Variants in MEIKIN observed in about 807,000 individuals in gnomAD.
MEIKIN encodes the protein meiotic kinetochore factor, also known as meiosis-specific kinetochore protein.
At chr5:131,815,674 T>C (rs1487115280) in intron 12 of MEIKIN, among the ~76,000 whole-genome samples, 4 of 152,204 alleles carry the variant, frequency 2.6e-5, no homozygotes, top group African/African-American at 2.4e-5. Flanking sequence ...TACTCCACAA[T>C]GGTGGTAAGG....
At chr5:131,870,195 T>C (rs76277627) in intron 9 of MEIKIN, among the ~76,000 whole-genome samples, 1,874 of 152,330 alleles carry the variant, frequency 0.012, 46 homozygotes, top group African/African-American at 0.044. Flanking sequence ...CATACAGCTA[T>C]TAAGCACTCA....
intron 12 of MEIKIN, among the ~76,000 whole-genome samples, chr5:131,807,824 T>C (rs1386206019): frequency 1.3e-5 from 2 of 152,246 alleles, no homozygotes; most frequent in African/African-American, 4.8e-5. Flanking sequence ...TACCTCATCC[T>C]CTGGCCAAAT....
intron 11 of MEIKIN, among the ~76,000 whole-genome samples, chr5:131,837,719 G>A (rs1222921824): frequency 6.6e-6 from 1 of 152,052 alleles, no homozygotes; most frequent in African/African-American, 2.4e-5. Context: ...TATCCTGAGA[G>A]TTTGCTGAAG....
chr5:131,807,063 T>A lies in MEIKIN; in HGVS notation c.*173A>T, dbSNP rs935956045. On this transcript the variant is annotated 3_prime_UTR_variant, in exon 13 of 13. Transcript: ENST00000442687. ...GGAATAATTTTTTTTCTTAACTGAT[T>A]AAAAGTAAATGACAAGAACCTCAGT... is the stretch of plus-strand genomic sequence containing the variant. 2 of 388,856 alleles carry A rather than the reference T, an allele frequency of 5.1e-6. No individual in the cohort carries two copies. The highest frequency in any genetic ancestry group is 2.1e-5 in the African/African-American group (1 of 48,390). The allele number at this position is 388,856 out of a possible 1,614,324, so 24.1% of individuals were successfully genotyped here. A position where few individuals can be genotyped will look rare whatever the true frequency, so the allele number is the denominator to read the frequency against.
intron 8 of MEIKIN, among the ~76,000 whole-genome samples, 178 bp from the exon 9 acceptor site, chr5:131,879,226 A>G (rs1003455709): frequency 1.2e-4 from 18 of 152,336 alleles, no homozygotes; most frequent in Admixed American, 7.8e-4. Context: ...TTGAATAATA[A>G]AAACATCCTT....
chr5:131,920,631 G>T (rs1353528367), intron 6 of MEIKIN, among the ~76,000 whole-genome samples: 1 of 151,762 alleles, frequency 6.6e-6, no homozygotes, highest in Non-Finnish European at 1.5e-5. Context: ...CCTTTGATAT[G>T]ATATGATACA....
intron 7 of MEIKIN, 147 bp downstream of exon 7, chr5:131,916,739 G>C: frequency 2.6e-6 from 1 of 378,768 alleles, no homozygotes; most frequent in Non-Finnish European, 4.7e-6. Context: ...TATATCTCTA[G>C]CAATTACAAC....
intron 11 of MEIKIN, among the ~76,000 whole-genome samples, chr5:131,841,470 C>G (rs1749913145): frequency 6.6e-6 from 1 of 152,182 alleles, no homozygotes; most frequent in African/African-American, 2.4e-5. Context: ...CAGTACCATA[C>G]TGTTACACAG....
At chr5:131,905,990 G>A (rs914616017) in intron 8 of MEIKIN, among the ~76,000 whole-genome samples, 3 of 152,016 alleles carry the variant, frequency 2.0e-5, no homozygotes, top group East Asian at 1.9e-4. Flanking sequence ...TAACAATGAC[G>A]CCAAAAGAAA....
intron 11 of MEIKIN, among the ~76,000 whole-genome samples, chr5:131,827,841 T>A (rs1176147201): frequency 6.6e-6 from 1 of 152,110 alleles, no homozygotes; most frequent in African/African-American, 2.4e-5. Context: ...ACGCAACATA[T>A]AATAAAAATT....
intron 8 of MEIKIN, 26 bp downstream of exon 8, chr5:131,911,789 A>C (rs1244759166): frequency 2.5e-6 from 1 of 396,912 alleles, no homozygotes; most frequent in African/African-American, 2.1e-5. Context: ...TTACTACATA[A>C]AATAATTAGT....
chr5:131,814,247 T>A (rs762754854), intron 12 of MEIKIN, among the ~76,000 whole-genome samples: 2 of 149,780 alleles, frequency 1.3e-5, no homozygotes, highest in Non-Finnish European at 3.0e-5. Context: ...ACAAGTGGAC[T>A]GAAAAATTTG....
At chr5:131,889,072 C>G (rs975723264) in intron 8 of MEIKIN, among the ~76,000 whole-genome samples, 1 of 152,100 alleles carries the variant, frequency 6.6e-6, no homozygotes, top group Non-Finnish European at 1.5e-5. Flanking sequence ...TGGTCTATAT[C>G]TCTGTTTTGG....
chr5:131,843,456 C>T (rs949479588), intron 11 of MEIKIN, among the ~76,000 whole-genome samples: 7 of 152,206 alleles, frequency 4.6e-5, no homozygotes, highest in African/African-American at 1.7e-4. Context: ...TCTTTGTGAA[C>T]AACACATATA....
chr5:131,866,955 C>G (rs1280471687), intron 9 of MEIKIN, among the ~76,000 whole-genome samples: 2 of 152,154 alleles, frequency 1.3e-5, no homozygotes, highest in Non-Finnish European at 2.9e-5. Context: ...TAGTCCTCAA[C>G]AATGATACAG....
At chr5:131,874,513 C>T (rs1470668073) in intron 9 of MEIKIN, among the ~76,000 whole-genome samples, 6 of 152,030 alleles carry the variant, frequency 3.9e-5, no homozygotes. Context: ...AATAGCTTAC[C>T]AACGAAAAAA....
chr5:131,938,952 A>G (rs1751827177), intron 4 of MEIKIN, among the ~76,000 whole-genome samples: 1 of 152,236 alleles, frequency 6.6e-6, no homozygotes, highest in Non-Finnish European at 1.5e-5. Context: ...ATATTACCAG[A>G]ACGCACAAAT....
chr5:131,887,624 A>G (rs986967835), intron 8 of MEIKIN, among the ~76,000 whole-genome samples: 1 of 152,102 alleles, frequency 6.6e-6, no homozygotes, highest in African/African-American at 2.4e-5. Flanking sequence ...TGTTGGTTGC[A>G]TAAAGGTCTT....
chr5:131,927,162 C>T (rs928676782), intron 5 of MEIKIN, among the ~76,000 whole-genome samples: 7 of 145,668 alleles, frequency 4.8e-5, no homozygotes, highest in African/African-American at 1.7e-4. Flanking sequence ...CTATATCCCA[C>T]GTTTTAATAT....
Sources: allele counts gnomAD v4.1 joint callset (sites outside exome capture counted in the v4.1 genomes callset), GRCh38; gene constraint gnomAD v4.1.1; transcripts MANE v1.5; gene names NCBI Gene and HGNC (gene_info 2026-07-23, HGNC 2026-07-21).